Variants in ZC3H12B observed in about 807,000 individuals in gnomAD.
ZC3H12B encodes the protein zinc finger CCCH-type containing 12B, also known as probable ribonuclease ZC3H12B.
ZC3H12B carries 7 observed loss-of-function variants against 43.9 expected under a neutral mutation model. The observed-to-expected ratio is 0.16, with a 90% CI of 0.09 to 0.30. The LOEUF is 0.30. Ranked by LOEUF, ZC3H12B falls within the 10% of genes least tolerant of loss-of-function variation. ZC3H12B has a pLI of 1.00. For synonymous variants in ZC3H12B, 222 were observed against 241.7 expected, an observed-to-expected ratio of 0.92 and a Z score of 0.76; for missense variants, 475 against 670.2, an observed-to-expected ratio of 0.71 and a Z score of 3.22.
the ZC3H12B span, among the ~76,000 whole-genome samples, chrX:65,348,272 A>G: frequency 8.9e-6 from 1 of 112,021 alleles, no homozygotes; most frequent in South Asian, 3.7e-4. Flanking sequence ...ATAAAAAAAT[A>G]AGCTAAGGAG....
chrX:65,247,585 C>A, the ZC3H12B span, among the ~76,000 whole-genome samples: 1 of 112,339 alleles, frequency 8.9e-6, no homozygotes, highest in Non-Finnish European at 1.9e-5. Context: ...ATTTCCTTTT[C>A]AGGAAAATGG....
At chrX:65,076,801 C>T in the ZC3H12B span, among the ~76,000 whole-genome samples, 1 of 110,163 alleles carries the variant, frequency 9.1e-6, no homozygotes, top group African/African-American at 3.3e-5. Context: ...ACTCTGTCTG[C>T]ATTTGTTTAA....
intron 2 of ZC3H12B, among the ~76,000 whole-genome samples, chrX:65,371,958 A>G (rs1250546809): frequency 9.0e-6 from 1 of 111,549 alleles, no homozygotes; most frequent in African/African-American, 3.3e-5. Context: ...TGCAAACTTT[A>G]AGGGATTTAA....
the ZC3H12B span, among the ~76,000 whole-genome samples, chrX:65,081,331 T>C: frequency 9.1e-6 from 1 of 110,310 alleles, no homozygotes; most frequent in African/African-American, 3.3e-5. Flanking sequence ...AATCAAAAGA[T>C]GTAGAGAGGC....
intron 2 of ZC3H12B, among the ~76,000 whole-genome samples, chrX:65,377,845 T>C (rs963335719): frequency 2.7e-5 from 3 of 111,257 alleles, no homozygotes; most frequent in Admixed American, 9.6e-5. Context: ...CAGCCTGTAA[T>C]CCCAGCACTT....
chrX:65,417,132 T>G, intron 3 of ZC3H12B, among the ~76,000 whole-genome samples: 1 of 112,100 alleles, frequency 8.9e-6, no homozygotes, highest in African/African-American at 3.2e-5. Flanking sequence ...AAAATGCATA[T>G]TCTGTTCGAA....
intron 3 of ZC3H12B, among the ~76,000 whole-genome samples, chrX:65,447,502 G>T (rs1310385518): frequency 9.0e-6 from 1 of 111,539 alleles, no homozygotes; most frequent in East Asian, 2.8e-4. Flanking sequence ...GAAAACCTAG[G>T]AAAAACTCTT....
intron 3 of ZC3H12B, among the ~76,000 whole-genome samples, chrX:65,407,464 C>T (rs1253140929): frequency 8.9e-6 from 1 of 112,977 alleles, no homozygotes; most frequent in East Asian, 2.8e-4. Flanking sequence ...GCGTCCTCAA[C>T]CTCTCTCCCT....
chrX:65,301,353 G>A, the ZC3H12B span, among the ~76,000 whole-genome samples: 3 of 110,559 alleles, frequency 2.7e-5, no homozygotes, highest in Non-Finnish European at 5.7e-5. Context: ...AGGAAAAGAA[G>A]TCATTATACA....
chrX:65,235,117 C>A, the ZC3H12B span, among the ~76,000 whole-genome samples: 3 of 111,455 alleles, frequency 2.7e-5, no homozygotes, highest in Non-Finnish European at 3.8e-5. Context: ...GGGTTGATTT[C>A]ATGTCTTTGT....
At chrX:65,301,092 AT>A in the ZC3H12B span, among the ~76,000 whole-genome samples, 37 of 111,933 alleles carry the variant, frequency 3.3e-4, no homozygotes, top group Non-Finnish European at 6.0e-4. Context: ...AATGCCCAAC[AT>A]CACTATTGAT....
chrX:65,497,335 T>C, intron 2 of ZC3H12B, 64 bp downstream of exon 7: 1 of 1,033,738 alleles, frequency 9.7e-7, no homozygotes, highest in South Asian at 2.7e-5. Flanking sequence ...AGTTTGGGGA[T>C]GGTCCCAATT....
the ZC3H12B span, among the ~76,000 whole-genome samples, chrX:65,104,518 C>T: frequency 2.7e-5 from 3 of 111,221 alleles, no homozygotes; most frequent in African/African-American, 9.8e-5. Context: ...TAACCGTTTG[C>T]AAAGGTTTGA....
intron 2 of ZC3H12B, among the ~76,000 whole-genome samples, chrX:65,380,581 T>A (rs1025995091): frequency 8.1e-5 from 9 of 111,148 alleles, no homozygotes; most frequent in Admixed American, 1.9e-4. Context: ...AACATCATAA[T>A]GACAGGATCA....
At chrX:65,217,529 A>C in the ZC3H12B span, among the ~76,000 whole-genome samples, 4 of 112,253 alleles carry the variant, frequency 3.6e-5, no homozygotes, top group Admixed American at 1.9e-4. Flanking sequence ...AATCTGAAAT[A>C]GTTTTCTTCA....
the ZC3H12B span, among the ~76,000 whole-genome samples, chrX:65,267,946 G>T: frequency 1.8e-5 from 2 of 111,378 alleles, no homozygotes. Context: ...AAATCATGTA[G>T]CAGGAAAACC....
the ZC3H12B span, among the ~76,000 whole-genome samples, chrX:65,105,188 G>A: frequency 9.1e-6 from 1 of 110,157 alleles, no homozygotes; most frequent in Non-Finnish European, 1.9e-5. Flanking sequence ...TTACTCATAG[G>A]TGGGAGTTGA....
At chrX:65,408,420 A>G in intron 3 of ZC3H12B, 1 of 1,208,223 alleles carries the variant, frequency 8.3e-7, no homozygotes, top group South Asian at 1.8e-5. Context: ...CGTGCCAAAC[A>G]GGTGACCATG....
the ZC3H12B span, among the ~76,000 whole-genome samples, chrX:65,158,411 T>G: frequency 1.8e-5 from 2 of 111,595 alleles, no homozygotes; most frequent in Non-Finnish European, 3.8e-5. Flanking sequence ...TGTTCCTATT[T>G]CTCCACATCC....
Sources: gnomAD v4.1 joint callset for allele counts (sites outside exome capture counted in the v4.1 genomes callset) on GRCh38, gnomAD v4.1.1 for gene constraint, MANE v1.5 for transcripts, NCBI Gene and HGNC (gene_info 2026-07-23, HGNC 2026-07-21) for gene names.